The following COMMD10 variants were observed in gnomAD, a reference collection of about 807,000 sequenced individuals.
COMMD10 encodes the protein COMM domain containing 10, also known as COMM domain-containing protein 10.
In COMMD10, 33 loss-of-function variants were observed where a neutral mutation model predicts 28.9. The observed-to-expected ratio is 1.14, with a 90% CI of 0.87 to 1.53. The LOEUF is 1.53. Ranked by LOEUF, COMMD10 falls within the 40% of genes most tolerant of loss-of-function variation. The pLI is 0.00. For missense variants in COMMD10, 310 were observed against 233.4 expected (o/e 1.33, Z -2.14); for synonymous variants, 110 against 81.7 (o/e 1.35, Z -1.87).
At chr5:116,192,509 T>C (rs746520589) in intron 5 of COMMD10, among the ~76,000 whole-genome samples, 22 of 152,054 alleles carry the variant, frequency 1.4e-4, no homozygotes, top group Admixed American at 1.1e-3. Flanking sequence ...GACAAACTTA[T>C]AGAAATGTGA....
rs1208365445 is a variant in COMMD10 at position 116,134,135 on chromosome 5, C to T, written c.467C>T (p.Pro156Leu). ...AHSAQAKLKS[P>L]QAVLQLGVNN... ...TCTGCTCAAGCAAAACTAAAATCTC[C>T]TCAAGCTGTGTTACAACTCGGAGTG... The change falls in exon 5 of 7, where the codon CCT becomes CTT. Residue 156 changes from proline to leucine, a missense_variant. Transcript: ENST00000274458. 1.2e-5 allele frequency: 19 copies of T among 1,612,200 alleles called. No homozygotes were observed. Among genetic ancestry groups the T allele is most frequent in the Non-Finnish European group, 1.5e-5 (18 of 1,178,256 alleles).
intron 4 of COMMD10, among the ~76,000 whole-genome samples, chr5:116,116,715 T>C (rs1035385168): frequency 4.9e-4 from 73 of 149,048 alleles, no homozygotes; most frequent in African/African-American, 1.7e-3. Context: ...TTTTTTTTTT[T>C]TTTTTTTTTT....
At chr5:116,181,146 A>G (rs372545791) in intron 5 of COMMD10, among the ~76,000 whole-genome samples, 2 of 152,084 alleles carry the variant, frequency 1.3e-5, no homozygotes, top group African/African-American at 4.8e-5. Context: ...CCTGTCTCCA[A>G]AAATTATAAA....
intron 5 of COMMD10, among the ~76,000 whole-genome samples, chr5:116,252,374 T>C (rs199996084): frequency 0.071 from 9,374 of 132,964 alleles, 470 homozygotes; most frequent in East Asian, 0.091. Flanking sequence ...AGTCCTTGCC[T>C]GTGCCTATGT....
chr5:116,162,978 T>A (rs779005288), intron 5 of COMMD10, among the ~76,000 whole-genome samples: 12 of 152,096 alleles, frequency 7.9e-5, no homozygotes, highest in Non-Finnish European at 1.0e-4. Flanking sequence ...TGTTAAGAAT[T>A]TGTCCTGCTT....
chr5:116,208,218 A>G (rs1327238699), intron 5 of COMMD10, among the ~76,000 whole-genome samples: 1 of 152,236 alleles, frequency 6.6e-6, no homozygotes, highest in Non-Finnish European at 1.5e-5. Context: ...TAGTATCTCT[A>G]ACCATGTTGT....
chr5:116,267,215 A>G (rs1267556736), intron 5 of COMMD10, among the ~76,000 whole-genome samples: 1 of 151,924 alleles, frequency 6.6e-6, no homozygotes, highest in East Asian at 1.9e-4. Context: ...CTCCAGCCCA[A>G]AATCTCCTTA....
intron 5 of COMMD10, among the ~76,000 whole-genome samples, chr5:116,165,512 C>G (rs927597066): frequency 6.6e-6 from 1 of 151,948 alleles, no homozygotes; most frequent in Non-Finnish European, 1.5e-5. Flanking sequence ...AAGGTCTTGG[C>G]AAATTTGGTT....
Position 116,252,218 on chromosome 5 carries a change from G to C in COMMD10, c.511-39299G>C, listed in dbSNP as rs1281685498. On this transcript the variant is annotated intron_variant, in intron 5 of 6. Transcript: ENST00000274458. ...ATATTAGCCCTTTGTCAGATGAGTA[G>C]GTTGCGAAAATTTTCTCCCATTTTG... Among the ~76,000 whole-genome samples the C allele has an allele frequency of 2.3e-4, 32 of 138,900 alleles. 1 individual carries two copies. Among genetic ancestry groups the C allele is most frequent in the African/African-American group, 8.4e-4 (30 of 35,526 alleles). 91.1% of individuals were successfully genotyped at this position (138,900 alleles called of 152,430 possible).
intron 2 of COMMD10, among the ~76,000 whole-genome samples, chr5:116,089,103 C>T (rs1750215245): frequency 6.6e-6 from 1 of 152,158 alleles, no homozygotes; most frequent in Non-Finnish European, 1.5e-5. Flanking sequence ...GCAATGATAG[C>T]GGCAACATTC....
chr5:116,272,407 A>C (rs1360078408), intron 5 of COMMD10, among the ~76,000 whole-genome samples: 1 of 151,852 alleles, frequency 6.6e-6, no homozygotes, highest in Non-Finnish European at 1.5e-5. Context: ...GACTCTAGTG[A>C]AGCTTTCTTA....
chr5:116,101,536 C>A (rs1030455651), intron 4 of COMMD10, among the ~76,000 whole-genome samples: 1 of 152,098 alleles, frequency 6.6e-6, no homozygotes, highest in Non-Finnish European at 1.5e-5. Flanking sequence ...AAGAGTTTCT[C>A]CCACCTCAGC....
intron 5 of COMMD10, among the ~76,000 whole-genome samples, chr5:116,145,331 T>C (rs1752312335): frequency 6.6e-6 from 1 of 151,862 alleles, no homozygotes; most frequent in African/African-American, 2.4e-5. Flanking sequence ...GTTTTCTTCA[T>C]CTATTTTTAA....
chr5:116,150,009 A>G (rs1437096451), intron 5 of COMMD10, among the ~76,000 whole-genome samples: 4 of 152,274 alleles, frequency 2.6e-5, no homozygotes, highest in Non-Finnish European at 5.9e-5. Flanking sequence ...TTAAGTCTTT[A>G]ATCCATCTTG....
chr5:116,139,331 C>A (rs1427563867), intron 5 of COMMD10, among the ~76,000 whole-genome samples: 7 of 151,306 alleles, frequency 4.6e-5, no homozygotes, highest in Admixed American at 4.6e-4. Flanking sequence ...CAGAGGCTGC[C>A]TTTTATTAAC....
intron 5 of COMMD10, among the ~76,000 whole-genome samples, chr5:116,154,962 G>A (rs1443347783): frequency 6.6e-6 from 1 of 152,046 alleles, no homozygotes; most frequent in Non-Finnish European, 1.5e-5. Context: ...ATAAGTCCAT[G>A]ATAGCTATGC....
chr5:116,287,876 T>A lies in COMMD10; in HGVS notation c.511-3641T>A, dbSNP rs922815358. 2.0e-5 allele frequency among the ~76,000 whole-genome samples: 3 copies of A among 151,878 alleles called. 1 individual carries two copies. Among genetic ancestry groups the A allele is most frequent in the African/African-American group, 7.3e-5 (3 of 41,240 alleles). ...GCTCCACTTCTCCATTTGTTACTGA[T>A]GTTACAAATTACATTTCTATATATT... On this transcript the variant is annotated intron_variant, in intron 5 of 6. Transcript: ENST00000274458.
At chr5:116,113,608 C>G (rs1157497186) in intron 4 of COMMD10, among the ~76,000 whole-genome samples, 1 of 151,874 alleles carries the variant, frequency 6.6e-6, no homozygotes, top group Non-Finnish European at 1.5e-5. Flanking sequence ...TATTTTATAT[C>G]TCCTTCAGTG....
chr5:116,194,456 A>G (rs966126170), intron 5 of COMMD10, among the ~76,000 whole-genome samples: 1 of 152,216 alleles, frequency 6.6e-6, no homozygotes, highest in African/African-American at 2.4e-5. Flanking sequence ...GAAAATCCAA[A>G]TGACCTCACT....
Sources: allele counts gnomAD v4.1 joint callset (sites outside exome capture counted in the v4.1 genomes callset), GRCh38; gene constraint gnomAD v4.1.1; transcripts MANE v1.5; gene names NCBI Gene and HGNC (gene_info 2026-07-23, HGNC 2026-07-21).